RBM33: variants seen among roughly 807,000 people sequenced by gnomAD.
The protein encoded by RBM33 is RNA-binding protein 33.
RBM33 carries 28 observed loss-of-function variants against 132.6 expected under a neutral mutation model. That is an observed-to-expected ratio of 0.21 (90% confidence interval 0.16 to 0.29). RBM33 has a LOEUF of 0.29. Among genes scored for constraint, RBM33 ranks in the 10% least tolerant of loss-of-function variants. The pLI is 1.00. For synonymous variants in RBM33, 634 were observed against 593.0 expected, an observed-to-expected ratio of 1.07 and a Z score of -1.01; for missense variants, 1,291 against 1,518.5, an observed-to-expected ratio of 0.85 and a Z score of 2.49.
chr7:155,683,638 T>C lies in RBM33; in HGVS notation c.567+2730T>C, dbSNP rs562960182. On this transcript the variant is annotated intron_variant, in intron 5 of 17. Coordinates refer to ENST00000401878, the MANE Select transcript of RBM33 (RefSeq NM_053043.3). The stretch of plus-strand genomic sequence containing the variant: ...CTGGACGCACAGCTCTGCTGTCCTT[T>C]CCTGTGAATGTTGCTGGTGCTGTTC... Among the ~76,000 whole-genome samples, 6 of 152,308 alleles carry C rather than the reference T, an allele frequency of 3.9e-5. 1 individual carries two copies. The South Asian group carries it at 1.2e-3, about 32-fold the overall frequency.
intron 9 of RBM33, 88 bp downstream of exon 9, chr7:155,718,531 C>A: frequency 9.3e-7 from 1 of 1,074,870 alleles, no homozygotes; most frequent in Non-Finnish European, 1.4e-6. Flanking sequence ...GAGGTTCCAG[C>A]CAAATATAAT....
At chr7:155,651,366 A>G (rs945480417) in intron 1 of RBM33, among the ~76,000 whole-genome samples, 7 of 152,090 alleles carry the variant, frequency 4.6e-5, no homozygotes, top group African/African-American at 1.7e-4. Flanking sequence ...TGCTCTTGAG[A>G]AGTTTGAGGA....
At chr7:155,665,435 TTC>T (rs894247074) in intron 2 of RBM33, among the ~76,000 whole-genome samples, 182 bp downstream of exon 2, 4 of 152,240 alleles carry the variant, frequency 2.6e-5, no homozygotes, top group Non-Finnish European at 5.9e-5. Flanking sequence ...TGTGCTCCTG[TTC>T]CAGGCCTGTG....
intron 1 of RBM33, among the ~76,000 whole-genome samples, chr7:155,658,695 G>A (rs1048690098): frequency 6.6e-6 from 1 of 152,130 alleles, no homozygotes; most frequent in African/African-American, 2.4e-5. Context: ...CACCGCGCCC[G>A]GCTGCTTGTT....
intron 16 of RBM33, among the ~76,000 whole-genome samples, chr7:155,768,320 T>TAG (rs1160536593): frequency 1.3e-5 from 2 of 152,236 alleles, no homozygotes; most frequent in African/African-American, 4.8e-5. Context: ...AGCTAATTTC[T>TAG]GTCTTGTCTT....
intron 5 of RBM33, among the ~76,000 whole-genome samples, chr7:155,686,342 C>CT (rs2116932520): frequency 6.6e-6 from 1 of 152,240 alleles, no homozygotes; most frequent in South Asian, 2.1e-4. Context: ...TGAGAAAAAT[C>CT]TAAGTAGCCA....
intron 14 of RBM33, among the ~76,000 whole-genome samples, chr7:155,755,349 G>T (rs1473970288): frequency 6.6e-6 from 1 of 152,198 alleles, no homozygotes; most frequent in Non-Finnish European, 1.5e-5. Flanking sequence ...TCAAATGTCT[G>T]TCATGAGTAC....
intron 2 of RBM33, among the ~76,000 whole-genome samples, chr7:155,667,757 C>G (rs760751308): frequency 1.3e-5 from 2 of 152,048 alleles, no homozygotes; most frequent in African/African-American, 2.4e-5. Context: ...TCCTTGTATT[C>G]TAGATATCTC....
Position 155,774,744 on chromosome 7 carries a change from C to T in RBM33, c.3464+97C>T. On this transcript the variant is annotated intron_variant, in intron 17 of 17. Transcript: ENST00000401878. This position sits in a 1 kb window ranked among gnomAD's most constrained non-coding sequence, Gnocchi z 4.2. ...CCATCATGGTAGCAAGCGTGTGTCCCCACCTGTTCCTGTAGAAGGACACTA... is the reference window on the plus strand; with the variant it reads ...CCATCATGGTAGCAAGCGTGTGTCCTCACCTGTTCCTGTAGAAGGACACTA... The T allele has an allele frequency of 9.8e-7, 1 of 1,023,876 alleles. No homozygotes were observed. The highest frequency in any genetic ancestry group is 1.5e-6 in the Non-Finnish European group (1 of 648,116). 63.4% of individuals were successfully genotyped at this position (1,023,876 alleles called of 1,614,324 possible).
intron 5 of RBM33, among the ~76,000 whole-genome samples, chr7:155,686,058 G>A (rs925684884): frequency 3.3e-5 from 5 of 152,130 alleles, no homozygotes; most frequent in African/African-American, 1.2e-4. Context: ...TTTTGTGTGT[G>A]TGTGCTTTCT....
chr7:155,736,921 G>A (rs968199674), intron 9 of RBM33, among the ~76,000 whole-genome samples: 6 of 152,082 alleles, frequency 3.9e-5, no homozygotes, highest in South Asian at 2.1e-4. Context: ...TAGTTGCTGC[G>A]TTTTGATTTT....
At chr7:155,663,719 G>A (rs1798719673) in intron 1 of RBM33, among the ~76,000 whole-genome samples, 2 of 152,104 alleles carry the variant, frequency 1.3e-5, no homozygotes, top group Non-Finnish European at 2.9e-5. Flanking sequence ...CCAGCTCCAG[G>A]CTCGGAAAAT....
rs757738014 is a variant in RBM33 at position 155,673,759 on chromosome 7, C to CGCGT, written c.171+846_171+847insGTGC. On this transcript the variant is annotated intron_variant, in intron 3 of 17. Transcript: ENST00000401878. Reference sequence around the variant, plus strand: ...ATACATACACACGTGTATATACGCGCGCATGCGCGCACACACACACACACA... The same window carrying CGCGT: ...ATACATACACACGTGTATATACGCGCGCGTGCATGCGCGCACACACACACACACA... 4.6e-5 allele frequency among the ~76,000 whole-genome samples: 3 copies of CGCGT among 64,994 alleles called. 1 individual carries two copies. Among genetic ancestry groups the CGCGT allele is most frequent in the African/African-American group, 1.5e-4 (3 of 19,476 alleles). 42.6% of individuals were successfully genotyped at this position (64,994 alleles called of 152,430 possible). A position where few individuals can be genotyped will look rare whatever the true frequency, so the allele number is the denominator to read the frequency against.
chr7:155,696,815 G>A (rs912478799), intron 5 of RBM33, among the ~76,000 whole-genome samples: 4 of 152,116 alleles, frequency 2.6e-5, no homozygotes, highest in Non-Finnish European at 4.4e-5. Flanking sequence ...ATTCCCCTTT[G>A]TTGTGTGACA....
chr7:155,723,142 C>T (rs1012957432), intron 9 of RBM33, among the ~76,000 whole-genome samples: 2 of 152,200 alleles, frequency 1.3e-5, no homozygotes, highest in Non-Finnish European at 2.9e-5. Flanking sequence ...ATGATGTTTC[C>T]TGGATGTGTC....
Position 155,749,378 on chromosome 7 carries a change from G to A in RBM33, c.2979+3776G>A, listed in dbSNP as rs143122809. On this transcript the variant is annotated intron_variant, in intron 14 of 17. Transcript: ENST00000401878. Reference sequence around the variant, plus strand: ...GTGCGTTGAATCTCAAAGAGGCTACGTAACCAGCCTAGGGCCGCCGCACAC... The same window carrying A: ...GTGCGTTGAATCTCAAAGAGGCTACATAACCAGCCTAGGGCCGCCGCACAC... Among the ~76,000 whole-genome samples, 8 of 152,312 alleles carry A rather than the reference G, an allele frequency of 5.3e-5. No homozygotes were observed. The East Asian group carries it at 1.5e-3, about 29-fold the overall frequency.
intron 5 of RBM33, among the ~76,000 whole-genome samples, chr7:155,682,924 G>A (rs1655808010): frequency 6.6e-6 from 1 of 151,774 alleles, no homozygotes; most frequent in Non-Finnish European, 1.5e-5. Flanking sequence ...TTCAGGTGTT[G>A]AAGAAAATGT....
At chr7:155,674,839 T>C (rs1236449949) in intron 3 of RBM33, among the ~76,000 whole-genome samples, 1 of 152,220 alleles carries the variant, frequency 6.6e-6, no homozygotes, top group African/African-American at 2.4e-5. Flanking sequence ...ACAGGAGATG[T>C]GTCTCTCATT....
chr7:155,666,699 C>T (rs909541222), intron 2 of RBM33, among the ~76,000 whole-genome samples: 6 of 152,080 alleles, frequency 3.9e-5, no homozygotes, highest in African/African-American at 1.4e-4. Context: ...ATGGTCTGTT[C>T]ATATCTGTTT....
Sources: gnomAD v4.1 joint callset for allele counts (sites outside exome capture counted in the v4.1 genomes callset) on GRCh38, gnomAD v4.1.1 for gene constraint, Gnocchi (gnomAD v3.1) non-coding constraint, MANE v1.5 for transcripts, NCBI Gene and HGNC (gene_info 2026-07-23, HGNC 2026-07-21) for gene names.